The following PHACTR1 variants were observed in gnomAD, a reference collection of about 807,000 sequenced individuals.
PHACTR1 encodes phosphatase and actin regulator 1, also known as RPEL repeat containing 1.
In PHACTR1, 16 loss-of-function variants were observed where a neutral mutation model predicts 69.2. That is an observed-to-expected ratio of 0.23 (90% CI 0.16 to 0.35). The LOEUF (loss-of-function observed/expected upper bound fraction) is 0.35, where lower values mean the gene tolerates loss of function less well. Among genes scored for constraint, PHACTR1 ranks in the 10% least tolerant of loss-of-function variants. The probability of loss-of-function intolerance (pLI) is 1.00; values close to 1 mark genes in which losing one functional copy is unlikely to be tolerated. For synonymous variants in PHACTR1, 312 were observed against 284.5 expected (o/e 1.10, Z -0.97); for missense variants, 510 against 734.7 (o/e 0.69, Z 3.54).
chr6:13,278,858 G>C (rs1322532586), intron 12 of PHACTR1, among the ~76,000 whole-genome samples: 1 of 151,836 alleles, frequency 6.6e-6, no homozygotes, highest in Non-Finnish European at 1.5e-5. Flanking sequence ...AGATACATGG[G>C]AGTCTGAGGT....
At chr6:13,067,524 A>C (rs1047453537) in intron 5 of PHACTR1, among the ~76,000 whole-genome samples, 3 of 152,214 alleles carry the variant, frequency 2.0e-5, no homozygotes, top group African/African-American at 7.2e-5. Flanking sequence ...ACGAGTCTTT[A>C]TTGAAAGTCT....
intron 3 of PHACTR1, among the ~76,000 whole-genome samples, chr6:12,724,343 T>TATAAAA (rs1479124156): frequency 6.6e-6 from 1 of 151,894 alleles, no homozygotes. Flanking sequence ...TAAATAAATA[T>TATAAAA]ATAAAAATAA....
chr6:12,914,112 G>A (rs755475758), intron 4 of PHACTR1, among the ~76,000 whole-genome samples: 20 of 151,472 alleles, frequency 1.3e-4, no homozygotes, highest in Non-Finnish European at 2.5e-4. Flanking sequence ...GGGATTACAG[G>A]CACAAGCCTC....
intron 4 of PHACTR1, among the ~76,000 whole-genome samples, chr6:13,013,776 T>C (rs1228525476): frequency 6.7e-6 from 1 of 149,832 alleles, no homozygotes; most frequent in East Asian, 2.0e-4. Context: ...GCGGTGCTTA[T>C]ATAGAGCGGC....
At chr6:13,201,757 G>T (rs1334376521) in intron 7 of PHACTR1, among the ~76,000 whole-genome samples, 1 of 152,110 alleles carries the variant, frequency 6.6e-6, no homozygotes, top group Non-Finnish European at 1.5e-5. Context: ...TATGTTATGG[G>T]GAATGACTTG....
chr6:13,067,919 T>G (rs1808903974), intron 5 of PHACTR1, among the ~76,000 whole-genome samples: 1 of 152,174 alleles, frequency 6.6e-6, no homozygotes, highest in Non-Finnish European at 1.5e-5. Context: ...TGGTATAGAC[T>G]AGTGGTTAGG....
chr6:12,785,510 C>A (rs1000867371), intron 4 of PHACTR1, among the ~76,000 whole-genome samples: 1 of 152,168 alleles, frequency 6.6e-6, no homozygotes, highest in Non-Finnish European at 1.5e-5. Flanking sequence ...TCCCCACAAA[C>A]CTGCCAGGCC....
intron 7 of PHACTR1, among the ~76,000 whole-genome samples, chr6:13,198,212 C>G (rs1180671348): frequency 6.6e-6 from 1 of 152,170 alleles, no homozygotes; most frequent in East Asian, 1.9e-4. Flanking sequence ...TTAATAATTA[C>G]TACATCACAC....
rs1562138255 is a variant in PHACTR1 at position 13,287,814 on chromosome 6, G to A, written c.*736G>A. Reference sequence around the variant, plus strand: ...GAAGGGGAAAGATGTCATATGCTCAGTTCAAATAATCAACCCAACTGTGTC... The same window carrying A: ...GAAGGGGAAAGATGTCATATGCTCAATTCAAATAATCAACCCAACTGTGTC... On this transcript the variant is annotated 3_prime_UTR_variant, in exon 15 of 15. Transcript: ENST00000332995. 1 of 154,020 alleles carries A rather than the reference G, an allele frequency of 6.5e-6. No homozygotes were observed. Among genetic ancestry groups the A allele is most frequent in the African/African-American group, 2.4e-5 (1 of 41,586 alleles). The allele number at this position is 154,020 out of a possible 1,614,324, so 9.5% of individuals were successfully genotyped here. A position where few individuals can be genotyped will look rare whatever the true frequency, so the allele number is the denominator to read the frequency against.
Position 13,230,088 on chromosome 6 carries a change from G to T in PHACTR1, c.1286G>T (p.Ser429Ile). The T allele has an allele frequency of 1.2e-6, 2 of 1,611,432 alleles. No homozygotes were observed. Among genetic ancestry groups the T allele is most frequent in the Non-Finnish European group, 1.7e-6 (2 of 1,178,896 alleles). ...CRKDSLAIKL[S>I]NRPSKRELEE... The stretch of plus-strand genomic sequence containing the variant: ...AAGGACTCCTTAGCCATCAAACTCA[G>T]CAACAGGCCCTCCAAGCGAGAGCTG... The change falls in exon 10 of 15, where the codon AGC becomes ATC. Residue 429 changes from serine to isoleucine, a missense_variant. Ser to Ile is a moderately radical substitution (Grantham distance 142). Coordinates refer to ENST00000332995, the MANE Select transcript of PHACTR1 (RefSeq NM_030948.6).
At chr6:13,126,454 A>G (rs1345402319) in intron 5 of PHACTR1, among the ~76,000 whole-genome samples, 1 of 152,242 alleles carries the variant, frequency 6.6e-6, no homozygotes, top group Admixed American at 6.5e-5. Flanking sequence ...AAGTTAGCAG[A>G]ATGGAGAGAT....
At chr6:13,045,679 T>C (rs1417514667) in intron 4 of PHACTR1, among the ~76,000 whole-genome samples, 1 of 152,252 alleles carries the variant, frequency 6.6e-6, no homozygotes, top group African/African-American at 2.4e-5. Flanking sequence ...TTTGGACCTA[T>C]GGATCCCTGA....
At chr6:13,016,309 A>G (rs1800160867) in intron 4 of PHACTR1, among the ~76,000 whole-genome samples, 1 of 152,242 alleles carries the variant, frequency 6.6e-6, no homozygotes, top group Non-Finnish European at 1.5e-5. Context: ...GCACACCTGT[A>G]TTATGTCCAG....
chr6:13,044,766 A>G (rs1363152521), intron 4 of PHACTR1, among the ~76,000 whole-genome samples: 1 of 152,084 alleles, frequency 6.6e-6, no homozygotes, highest in Non-Finnish European at 1.5e-5. Context: ...GATGGTTAGC[A>G]TTTTCTAAGT....
chr6:12,745,050 C>T (rs1190642834), intron 3 of PHACTR1, among the ~76,000 whole-genome samples: 1 of 152,142 alleles, frequency 6.6e-6, no homozygotes, highest in Non-Finnish European at 1.5e-5. Context: ...GAAAAATAGA[C>T]ATTTTAACAA....
At chr6:13,161,102 C>G (rs535098047) in intron 6 of PHACTR1, among the ~76,000 whole-genome samples, 54 of 152,228 alleles carry the variant, frequency 3.5e-4, no homozygotes, top group Non-Finnish European at 6.5e-4. Flanking sequence ...GCCTCAGCCT[C>G]CTGAGTAGCT....
At chr6:12,834,035 G>C (rs1262698333) in intron 4 of PHACTR1, among the ~76,000 whole-genome samples, 1 of 152,140 alleles carries the variant, frequency 6.6e-6, no homozygotes, top group Non-Finnish European at 1.5e-5. Flanking sequence ...CTGACAGTAG[G>C]CTATGGTCAC....
chr6:13,144,275 T>C (rs1008369683), intron 5 of PHACTR1, among the ~76,000 whole-genome samples: 1 of 152,164 alleles, frequency 6.6e-6, no homozygotes, highest in African/African-American at 2.4e-5. Flanking sequence ...AAACCATTAT[T>C]TGTGAATGAC....
intron 4 of PHACTR1, among the ~76,000 whole-genome samples, chr6:12,946,337 T>C (rs577924263): frequency 9.9e-5 from 15 of 151,296 alleles, no homozygotes; most frequent in Non-Finnish European, 1.8e-4. Flanking sequence ...GTCAAGGGAG[T>C]GATATTAACC....
Sources: allele counts gnomAD v4.1 joint callset (sites outside exome capture counted in the v4.1 genomes callset), GRCh38; gene constraint gnomAD v4.1.1; transcripts MANE v1.5; gene names NCBI Gene and HGNC (gene_info 2026-07-23, HGNC 2026-07-21).